Variants in CACNA1B observed in about 807,000 individuals in gnomAD.
CACNA1B encodes the protein voltage-dependent N-type calcium channel subunit alpha-1B.
CACNA1B carries 70 observed loss-of-function variants against 247.2 expected under a neutral mutation model. The ratio of observed to expected loss-of-function variants is 0.28; its 90% confidence interval spans 0.23 to 0.35. The LOEUF is 0.35. Among genes scored for constraint, CACNA1B ranks in the 10% least tolerant of loss-of-function variants. The probability of loss-of-function intolerance (pLI) is 1.00; values close to 1 mark genes in which losing one functional copy is unlikely to be tolerated. For synonymous variants in CACNA1B, 1,231 were observed against 1,294.4 expected (o/e 0.95, Z 1.05); for missense variants, 2,367 against 3,197.4 (o/e 0.74, Z 6.26).
At chr9:137,926,437 T>C (rs1957552300) in intron 6 of CACNA1B, among the ~76,000 whole-genome samples, 1 of 152,246 alleles carries the variant, frequency 6.6e-6, no homozygotes, top group Non-Finnish European at 1.5e-5. Context: ...CCTCTGTCAA[T>C]GGACCATTGG....
Position 137,986,990 on chromosome 9 carries a change from T to G in CACNA1B, c.1974+136T>G. ...ATCACTGACTTTTCAGACACAGTGTTCCTCAAACGAGGGAAGCACAGGCAG... is the reference window on the plus strand; with the variant it reads ...ATCACTGACTTTTCAGACACAGTGTGCCTCAAACGAGGGAAGCACAGGCAG... On this transcript the variant is annotated intron_variant, in intron 15 of 46. Transcript: ENST00000371372. This position sits in a 1 kb window ranked among gnomAD's most constrained non-coding sequence, Gnocchi z 6.0. 1 of 781,220 alleles carries G rather than the reference T, an allele frequency of 1.3e-6. No homozygotes were observed. Among genetic ancestry groups the G allele is most frequent in the Non-Finnish European group, 2.2e-6 (1 of 446,372 alleles). 48.4% of individuals were successfully genotyped at this position (781,220 alleles called of 1,614,324 possible).
At chr9:137,908,677 C>T (rs1307071044) in intron 3 of CACNA1B, among the ~76,000 whole-genome samples, 2 of 152,032 alleles carry the variant, frequency 1.3e-5, no homozygotes, top group Admixed American at 1.3e-4. Context: ...GTCGCCCAGG[C>T]TTGACTGCAG....
chr9:138,122,181 G>A lies in CACNA1B; in HGVS notation c.*182G>A. 2 of 608,536 alleles carry A rather than the reference G, an allele frequency of 3.3e-6. No individual in the cohort carries two copies. Among genetic ancestry groups the A allele is most frequent in the Non-Finnish European group, 5.8e-6 (2 of 345,162 alleles). 37.7% of individuals were successfully genotyped at this position (608,536 alleles called of 1,614,324 possible). A position where few individuals can be genotyped will look rare whatever the true frequency, so the allele number is the denominator to read the frequency against. The stretch of plus-strand genomic sequence containing the variant: ...CTAGACGACGAATAAAGCCCTGTTA[G>A]AGGATGCGGCTCTCTCTGTCCCCTT... On this transcript the variant is annotated 3_prime_UTR_variant, in exon 47 of 47. Coordinates refer to ENST00000371372, the MANE Select transcript of CACNA1B (RefSeq NM_000718.4).
At chr9:137,903,728 A>G (rs139680564) in intron 3 of CACNA1B, among the ~76,000 whole-genome samples, 324 of 152,294 alleles carry the variant, frequency 2.1e-3, no homozygotes, top group South Asian at 0.012. Flanking sequence ...TGTAGTATGT[A>G]TGAAAATTTA....
intron 36 of CACNA1B, among the ~76,000 whole-genome samples, chr9:138,093,185 C>T (rs753491618): frequency 2.0e-4 from 31 of 151,742 alleles, no homozygotes; most frequent in South Asian, 6.2e-4. Context: ...TTTTGGAGGC[C>T]GAGGTAGACA....
intron 10 of CACNA1B, among the ~76,000 whole-genome samples, chr9:137,963,544 G>A (rs991277530): frequency 6.6e-6 from 1 of 152,168 alleles, no homozygotes; most frequent in Non-Finnish European, 1.5e-5. Flanking sequence ...CTACAGGCAT[G>A]TGCCACCACA....
intron 12 of CACNA1B, among the ~76,000 whole-genome samples, chr9:137,978,293 C>T (rs1423630344): frequency 1.7e-4 from 25 of 146,080 alleles, no homozygotes; most frequent in African/African-American, 5.6e-4. Context: ...GGTGGGAGCA[C>T]TGCCCCCCCA....
intron 3 of CACNA1B, among the ~76,000 whole-genome samples, chr9:137,884,098 C>G (rs1331307164): frequency 6.6e-6 from 1 of 152,158 alleles, no homozygotes; most frequent in Non-Finnish European, 1.5e-5. Flanking sequence ...CTGCCCCCAT[C>G]TGCTCTGCCT....
chr9:137,884,968 C>T lies in CACNA1B; in HGVS notation c.530+2085C>T, dbSNP rs567863698. Among the ~76,000 whole-genome samples the T allele has an allele frequency of 3.9e-4, 43 of 111,220 alleles. 2 individuals carry two copies. Among genetic ancestry groups the T allele is most frequent in the Non-Finnish European group, 7.9e-4 (39 of 49,416 alleles). The allele number at this position is 111,220 out of a possible 152,430, so 73.0% of individuals were successfully genotyped here. A position where few individuals can be genotyped will look rare whatever the true frequency, so the allele number is the denominator to read the frequency against. The stretch of plus-strand genomic sequence containing the variant: ...CTCCTCTCCCCTCTTCCCCCCCCCC[C>T]TCCTCCCACTTTGCCTGTCTAGCCC... On this transcript the variant is annotated intron_variant, in intron 3 of 46. Coordinates refer to ENST00000371372, the MANE Select transcript of CACNA1B (RefSeq NM_000718.4).
chr9:137,927,724 A>G (rs1204310709), intron 6 of CACNA1B, among the ~76,000 whole-genome samples: 2 of 152,188 alleles, frequency 1.3e-5, no homozygotes, highest in Non-Finnish European at 2.9e-5. Flanking sequence ...ATCTATCACA[A>G]TTAAGTATAA....
At chr9:138,013,103 C>G (rs200773494) in intron 17 of CACNA1B, 26 bp from the exon 18 acceptor site, 2 of 1,556,768 alleles carry the variant, frequency 1.3e-6, no homozygotes, top group African/African-American at 2.7e-5. Context: ...GTGAGGGGAA[C>G]TGGACATTTC....
intron 3 of CACNA1B, among the ~76,000 whole-genome samples, chr9:137,893,354 T>TAA (rs34168944): frequency 0.089 from 12,484 of 139,712 alleles, 651 homozygotes; most frequent in Admixed American, 0.13. Flanking sequence ...CTCCCCCCTT[T>TAA]AAAAAAAAAA....
chr9:137,972,873 C>T (rs1448985753), intron 11 of CACNA1B, among the ~76,000 whole-genome samples: 1 of 152,226 alleles, frequency 6.6e-6, no homozygotes, highest in South Asian at 2.1e-4. Context: ...AGCTTGTGTA[C>T]ATGGAACTGC....
Position 137,906,191 on chromosome 9 carries a change from C to T in CACNA1B, c.531-6989C>T, listed in dbSNP as rs542958481. Among the ~76,000 whole-genome samples, 30 of 152,294 alleles carry T rather than the reference C, an allele frequency of 2.0e-4. No individual in the cohort carries two copies. The South Asian group carries it at 6.0e-3, about 30-fold the overall frequency. ...TCGTCAAAAAAGAAGAGATGTTTTC[C>T]GGCCCCAGAGGATTATAGCAACTCC... On this transcript the variant is annotated intron_variant, in intron 3 of 46. Coordinates refer to ENST00000371372, the MANE Select transcript of CACNA1B (RefSeq NM_000718.4).
At chr9:138,117,773 G>A (rs554708418) in intron 42 of CACNA1B, among the ~76,000 whole-genome samples, 173 bp from the exon 43 acceptor site, 3 of 152,232 alleles carry the variant, frequency 2.0e-5, no homozygotes, top group South Asian at 4.1e-4. Context: ...CACAGGCCAC[G>A]TTGGGGCTCT....
intron 6 of CACNA1B, among the ~76,000 whole-genome samples, chr9:137,920,357 C>T (rs1957463656): frequency 6.6e-6 from 1 of 152,110 alleles, no homozygotes; most frequent in African/African-American, 2.4e-5. Flanking sequence ...CCACCCCATC[C>T]AGCTAATTTT....
chr9:138,098,987 C>CT (rs1961150859), intron 37 of CACNA1B, among the ~76,000 whole-genome samples: 1 of 152,212 alleles, frequency 6.6e-6, no homozygotes, highest in Non-Finnish European at 1.5e-5. Flanking sequence ...CACCTTGAGC[C>CT]TTTTTGGTAG....
At chr9:137,992,942 A>C (rs1253941221) in intron 15 of CACNA1B, among the ~76,000 whole-genome samples, 1 of 152,222 alleles carries the variant, frequency 6.6e-6, no homozygotes, top group Non-Finnish European at 1.5e-5. Context: ...TTTTTGGGTT[A>C]ACAATGAAAT....
At position 138,058,594 on chromosome 9, in the gene CACNA1B, G is replaced by C; in HGVS notation, c.4334G>C (p.Ser1445Thr). The change falls in exon 29 of 47, where the codon AGC becomes ACC. Residue 1445 changes from serine (S) to threonine (T), a missense_variant. This residue lies in a region of CACNA1B where 436 missense variants were observed against 679.5 expected (regional missense o/e 0.64). Coordinates refer to ENST00000371372, the MANE Select transcript of CACNA1B (RefSeq NM_000718.4). This position sits in a 1 kb window ranked among gnomAD's most constrained non-coding sequence, Gnocchi z 4.7. ...AGGGCTTGCATTGACTTCGCCATCA[G>C]CGCCAAACCCCTGACACGGTACATG... ...NERACIDFAISAKPLTRYMPQ... is the reference protein window; with the variant it reads ...NERACIDFAITAKPLTRYMPQ... 6.2e-7 allele frequency: 1 copy of C among 1,612,794 alleles called. No homozygotes were observed. The highest frequency in any genetic ancestry group is 8.5e-7 in the Non-Finnish European group (1 of 1,179,608).
Sources: gnomAD v4.1 joint callset for allele counts (sites outside exome capture counted in the v4.1 genomes callset) on GRCh38, gnomAD v4.1.1 for gene constraint, gnomAD v4.1.1 regional missense constraint, Gnocchi (gnomAD v3.1) non-coding constraint, MANE v1.5 for transcripts, NCBI Gene and HGNC (gene_info 2026-07-23, HGNC 2026-07-21) for gene names.